OXCT1: variants seen among roughly 807,000 people sequenced by gnomAD.
OXCT1 encodes 3-oxoacid CoA-transferase 1, also known as succinyl-CoA:3-ketoacid coenzyme A transferase 1, mitochondrial.
A neutral mutation model predicts 69.6 loss-of-function variants in OXCT1; 27 were observed. The ratio of observed to expected loss-of-function variants is 0.39; its 90% CI spans 0.29 to 0.54. The LOEUF (loss-of-function observed/expected upper bound fraction) is 0.54. Among genes scored for constraint, OXCT1 ranks in the 20% least tolerant of loss-of-function variants. The probability of loss-of-function intolerance (pLI) is 0.72; values close to 1 mark genes in which losing one functional copy is unlikely to be tolerated. For missense variants in OXCT1, 437 were observed against 650.2 expected, an observed-to-expected ratio of 0.67 and a Z score of 3.57; for synonymous variants, 202 against 217.8, an observed-to-expected ratio of 0.93 and a Z score of 0.64.
At chr5:41,731,845 T>C (rs1380329542) in intron 16 of OXCT1, 75 bp from the exon 17 acceptor site, 8 of 1,530,364 alleles carry the variant, frequency 5.2e-6, no homozygotes, top group East Asian at 2.4e-5. Flanking sequence ...AATTTCCAAA[T>C]TTCAATCATG....
Position 41,862,656 on chromosome 5 carries a change from G to C in OXCT1, c.173C>G (p.Thr58Arg). The part of the protein sequence containing the change: ...EAVKDIPDGA[T>R]VLVGGFGLCG... ...TTAGTACTCACCACCAACCAAAACC[G>C]TGGCACCATCAGGGATGTCTTTTAC... The change falls in exon 2 of 17, where the codon ACG becomes AGG. Residue 58 changes from threonine to arginine, a missense_variant. Physicochemically the swap from Thr to Arg is moderately conservative, Grantham distance 71. Coordinates refer to ENST00000196371, the MANE Select transcript of OXCT1 (RefSeq NM_000436.4). 2 of 1,606,374 alleles carry C rather than the reference G, an allele frequency of 1.2e-6. No individual in the cohort carries two copies. The highest frequency in any genetic ancestry group is 2.2e-5 in the South Asian group (2 of 90,926).
At chr5:41,748,700 G>A (rs1351281619) in intron 15 of OXCT1, among the ~76,000 whole-genome samples, 1 of 151,994 alleles carries the variant, frequency 6.6e-6, no homozygotes, top group Non-Finnish European at 1.5e-5. Context: ...CCTGCTTTAG[G>A]GTGCTCACTG....
intron 4 of OXCT1, among the ~76,000 whole-genome samples, chr5:41,851,438 C>G (rs1749167977): frequency 6.6e-6 from 1 of 152,112 alleles, no homozygotes; most frequent in African/African-American, 2.4e-5. Flanking sequence ...ATAACACTAC[C>G]CCTTGCCTTA....
intron 6 of OXCT1, among the ~76,000 whole-genome samples, chr5:41,842,124 C>A (rs551013853): frequency 2.0e-5 from 3 of 152,138 alleles, no homozygotes; most frequent in African/African-American, 7.2e-5. Context: ...CTTAGAATAA[C>A]CAAAAGATTT....
At chr5:41,838,711 G>C (rs1432374091) in intron 7 of OXCT1, among the ~76,000 whole-genome samples, 1 of 150,536 alleles carries the variant, frequency 6.6e-6, no homozygotes, top group African/African-American at 2.5e-5. Flanking sequence ...CTGCAGCCTT[G>C]ACCTCCTGGA....
intron 7 of OXCT1, among the ~76,000 whole-genome samples, chr5:41,820,404 A>G (rs1457203482): frequency 6.6e-6 from 1 of 152,172 alleles, no homozygotes; most frequent in East Asian, 1.9e-4. Flanking sequence ...AAGAAAATCT[A>G]CTTCTAGAAA....
rs1579923515 is a variant in OXCT1, at chr5:41,870,020, C to A, written c.78+261G>T. 2.1e-5 allele frequency: 11 copies of A among 514,584 alleles called. No homozygotes were observed. Among genetic ancestry groups the A allele is most frequent in the Admixed American group, 9.6e-5 (3 of 31,260 alleles). The allele number at this position is 514,584 out of a possible 1,614,324, so 31.9% of individuals were successfully genotyped here. ...AGCGCTGCCAGGAGTCCTCCCGCCC[C>A]TTCTCAGCCTCTCCGCGCGCTTCTT... On this transcript the variant is annotated intron_variant, in intron 1 of 16. Transcript: ENST00000196371. This position sits in a 1 kb window ranked among gnomAD's most constrained non-coding sequence, Gnocchi z 4.2.
intron 7 of OXCT1, among the ~76,000 whole-genome samples, chr5:41,836,843 T>C (rs1748387986): frequency 6.6e-6 from 1 of 152,160 alleles, no homozygotes; most frequent in South Asian, 2.1e-4. Context: ...GCCTGAGGGT[T>C]GGGGCCCTTG....
chr5:41,770,694 T>C (rs1001197577), intron 13 of OXCT1, among the ~76,000 whole-genome samples: 3 of 152,188 alleles, frequency 2.0e-5, no homozygotes, highest in Non-Finnish European at 2.9e-5. Context: ...TCTAAAATCC[T>C]AAAACTACCA....
intron 1 of OXCT1, among the ~76,000 whole-genome samples, chr5:41,866,563 G>A (rs905650308): frequency 1.9e-4 from 29 of 152,138 alleles, no homozygotes; most frequent in Admixed American, 9.2e-4. Context: ...TGCAGAGCAC[G>A]GCATCACTCC....
intron 16 of OXCT1, among the ~76,000 whole-genome samples, chr5:41,733,324 G>A (rs946775712): frequency 4.1e-5 from 6 of 146,764 alleles, no homozygotes; most frequent in Non-Finnish European, 8.9e-5. Context: ...TTGGCTCACC[G>A]CAACCTCCGC....
intron 1 of OXCT1, among the ~76,000 whole-genome samples, chr5:41,863,401 G>C (rs1749830447): frequency 6.6e-6 from 1 of 152,006 alleles, no homozygotes; most frequent in African/African-American, 2.4e-5. Context: ...CAGATCTCTT[G>C]AATTTATTCC....
At chr5:41,755,699 CTTTCAGCT>C (rs1744035701) in intron 14 of OXCT1, among the ~76,000 whole-genome samples, 1 of 152,064 alleles carries the variant, frequency 6.6e-6, no homozygotes, top group Non-Finnish European at 1.5e-5. Context: ...GATAAGATAG[CTTTCAGCT>C]CTATATGAGA....
intron 11 of OXCT1, among the ~76,000 whole-genome samples, chr5:41,797,674 C>A (rs796945592): frequency 2.0e-5 from 3 of 152,110 alleles, no homozygotes; most frequent in Non-Finnish European, 2.9e-5. Flanking sequence ...ATAGTAAATG[C>A]CTACTATATG....
intron 14 of OXCT1, among the ~76,000 whole-genome samples, chr5:41,755,552 G>A (rs966217020): frequency 1.3e-5 from 2 of 152,050 alleles, no homozygotes; most frequent in African/African-American, 4.8e-5. Flanking sequence ...TTATCTGAAG[G>A]ATGTCTCCCA....
intron 8 of OXCT1, 29 bp from the exon 9 acceptor site, chr5:41,805,710 G>T: frequency 7.2e-7 from 1 of 1,392,608 alleles, no homozygotes; most frequent in Non-Finnish European, 1.0e-6. Flanking sequence ...TAAATTATTC[G>T]TGGTTGAGGT....
At chr5:41,780,935 G>C (rs183702495) in intron 13 of OXCT1, among the ~76,000 whole-genome samples, 1 of 148,550 alleles carries the variant, frequency 6.7e-6, no homozygotes, top group Non-Finnish European at 1.5e-5. Flanking sequence ...ACGGAGTCTC[G>C]CTCTGTCACC....
chr5:41,753,484 A>G (rs987314105), intron 14 of OXCT1, among the ~76,000 whole-genome samples: 1 of 152,144 alleles, frequency 6.6e-6, no homozygotes, highest in Non-Finnish European at 1.5e-5. Flanking sequence ...TAGCTGGAAC[A>G]CATACCACCA....
At chr5:41,852,886 C>T (rs186648159) in intron 4 of OXCT1, among the ~76,000 whole-genome samples, 17 of 152,116 alleles carry the variant, frequency 1.1e-4, no homozygotes, top group Admixed American at 3.3e-4. Flanking sequence ...GGTGAAATCC[C>T]GTCTCTACTA....
Sources: gnomAD v4.1 joint callset for allele counts (sites outside exome capture counted in the v4.1 genomes callset) on GRCh38, gnomAD v4.1.1 for gene constraint, Gnocchi (gnomAD v3.1) non-coding constraint, MANE v1.5 for transcripts, NCBI Gene and HGNC (gene_info 2026-07-23, HGNC 2026-07-21) for gene names.